LARGE1: variants seen among roughly 807,000 people sequenced by gnomAD.
LARGE1 encodes LARGE xylosyl- and glucuronyltransferase 1.
A neutral mutation model predicts 87.6 loss-of-function variants in LARGE1; 43 were observed. The ratio of observed to expected loss-of-function variants is 0.49; its 90% CI spans 0.38 to 0.63. The LOEUF (loss-of-function observed/expected upper bound fraction) is 0.63, where lower values mean the gene tolerates loss of function less well. Among genes scored for constraint, LARGE1 ranks in the 30% least tolerant of loss-of-function variants. The pLI is 0.00. For synonymous variants in LARGE1, 434 were observed against 394.6 expected (o/e 1.10, Z -1.18); for missense variants, 802 against 1,000.2 (o/e 0.80, Z 2.67).
At chr22:33,421,215 AATC>A (rs780754562) in intron 7 of LARGE1, among the ~76,000 whole-genome samples, 21 of 70,936 alleles carry the variant, frequency 3.0e-4, no homozygotes, top group African/African-American at 1.0e-3. Context: ...AAATAAAATC[AATC>A]AATCAATCAA....
intron 13 of LARGE1, among the ~76,000 whole-genome samples, chr22:33,277,589 G>A (rs5998837): frequency 0.027 from 4,071 of 152,256 alleles, 189 homozygotes; most frequent in African/African-American, 0.093. Flanking sequence ...GGAGAGATTG[G>A]ATGACGGGTG....
At position 33,564,975 on chromosome 22, in the gene LARGE1, A is replaced by G; in HGVS notation, c.660T>C (p.Tyr220=). ...TGGTCAGGACAAGCTTCATCAGACC[A>G]TAAATCCCAGAGTAATGTTTATTGG... ...WIPNKHYSGI[Y]GLMKLVLTKT... Residue 220 remains tyrosine, a synonymous_variant, in exon 6 of 15, where the codon TAT becomes TAC. Transcript: ENST00000397394. The G allele has an allele frequency of 6.2e-7, 1 of 1,614,186 alleles. No homozygotes were observed. Among genetic ancestry groups the G allele is most frequent in the African/African-American group, 1.3e-5 (1 of 75,066 alleles).
intron 5 of LARGE1, among the ~76,000 whole-genome samples, chr22:33,588,501 A>G (rs1476349142): frequency 7.6e-6 from 1 of 130,986 alleles, no homozygotes; most frequent in Non-Finnish European, 1.6e-5. Context: ...CAAGGAACAT[A>G]TATGTGTGCG....
At chr22:33,169,137 G>GT (rs1227497824) in intron 11 of LARGE1, among the ~76,000 whole-genome samples, 2 of 152,136 alleles carry the variant, frequency 1.3e-5, no homozygotes, top group Non-Finnish European at 2.9e-5. Flanking sequence ...GTGTCAAACA[G>GT]TTATCATTTG....
At chr22:33,802,748 ATATT>A (rs2086198105) in intron 1 of LARGE1, among the ~76,000 whole-genome samples, 1 of 152,200 alleles carries the variant, frequency 6.6e-6, no homozygotes, top group South Asian at 2.1e-4. Flanking sequence ...CTAGGAATAA[ATATT>A]TATTCCCAGG....
At chr22:33,680,055 G>A (rs1201803450) in intron 2 of LARGE1, among the ~76,000 whole-genome samples, 1 of 152,072 alleles carries the variant, frequency 6.6e-6, no homozygotes, top group East Asian at 1.9e-4. Context: ...CAAATGGAGG[G>A]GATCACATTC....
At chr22:33,676,781 G>C (rs905375428) in intron 2 of LARGE1, among the ~76,000 whole-genome samples, 1 of 152,050 alleles carries the variant, frequency 6.6e-6, no homozygotes, top group African/African-American at 2.4e-5. Flanking sequence ...CTTGAAAGTG[G>C]CCACCAGAGA....
At chr22:33,671,984 G>C (rs1345075468) in intron 2 of LARGE1, among the ~76,000 whole-genome samples, 1 of 152,120 alleles carries the variant, frequency 6.6e-6, no homozygotes, top group African/African-American at 2.4e-5. Context: ...ATGTTTAGGA[G>C]ACATTTCTTA....
intron 6 of LARGE1, among the ~76,000 whole-genome samples, chr22:33,465,037 A>C (rs1179345214): frequency 6.6e-6 from 1 of 152,246 alleles, no homozygotes; most frequent in African/African-American, 2.4e-5. Flanking sequence ...CAGAAGTATT[A>C]GGAATAGCCA....
chr22:33,800,749 G>A (rs62225451), intron 1 of LARGE1, among the ~76,000 whole-genome samples: 10,908 of 152,210 alleles, frequency 0.072, 512 homozygotes, highest in Admixed American at 0.11. Flanking sequence ...TCGCTGAGTA[G>A]TGTTCAACTG....
At chr22:33,805,559 C>A (rs2146114437) in intron 1 of LARGE1, among the ~76,000 whole-genome samples, 1 of 151,984 alleles carries the variant, frequency 6.6e-6, no homozygotes, top group South Asian at 2.1e-4. Context: ...CATGGTGAAA[C>A]CCTATCTCTG....
At chr22:33,858,989 A>T (rs757255890) in intron 1 of LARGE1, among the ~76,000 whole-genome samples, 6 of 151,788 alleles carry the variant, frequency 4.0e-5, no homozygotes, top group Non-Finnish European at 7.4e-5. Context: ...GGAGTTGAAC[A>T]ATGAGAACAC....
At chr22:33,765,068 C>G (rs979299591) in intron 1 of LARGE1, among the ~76,000 whole-genome samples, 2 of 152,296 alleles carry the variant, frequency 1.3e-5, no homozygotes, top group Non-Finnish European at 2.9e-5. Flanking sequence ...ATGTCAAGCA[C>G]TTTTCTATAT....
At chr22:33,427,483 G>A (rs111472274) in intron 7 of LARGE1, among the ~76,000 whole-genome samples, 76 of 152,262 alleles carry the variant, frequency 5.0e-4, no homozygotes, top group African/African-American at 1.8e-3. Flanking sequence ...CAAAGAGAAC[G>A]GGGGAAACTG....
intron 1 of LARGE1, among the ~76,000 whole-genome samples, chr22:33,909,405 G>A (rs1419263223): frequency 6.6e-6 from 1 of 151,992 alleles, no homozygotes; most frequent in Non-Finnish European, 1.5e-5. Context: ...ATTTGTCCCA[G>A]GCACGATGCA....
chr22:33,134,260 T>C, the LARGE1 span, among the ~76,000 whole-genome samples: 5 of 69,232 alleles, frequency 7.2e-5, no homozygotes, highest in African/African-American at 9.6e-5. Context: ...ACTCCCTTTT[T>C]TTTTTTTTTT....
the LARGE1 span, among the ~76,000 whole-genome samples, chr22:33,079,694 T>C: frequency 6.6e-6 from 1 of 152,180 alleles, no homozygotes. Context: ...TTAAGGAAAC[T>C]CTAGTTTCCT....
At chr22:33,734,165 C>T (rs1249432455) in intron 2 of LARGE1, among the ~76,000 whole-genome samples, 2 of 152,220 alleles carry the variant, frequency 1.3e-5, no homozygotes, top group Admixed American at 6.5e-5. Flanking sequence ...CACAAGGACA[C>T]AGTCAAATTG....
At chr22:33,469,190 C>G (rs1468132896) in intron 6 of LARGE1, among the ~76,000 whole-genome samples, 1 of 152,048 alleles carries the variant, frequency 6.6e-6, no homozygotes, top group Non-Finnish European at 1.5e-5. Context: ...GGTATATACC[C>G]AAAGGAGTAG....
Sources: gnomAD v4.1 joint callset for allele counts (sites outside exome capture counted in the v4.1 genomes callset) on GRCh38, gnomAD v4.1.1 for gene constraint, MANE v1.5 for transcripts, NCBI Gene and HGNC (gene_info 2026-07-23, HGNC 2026-07-21) for gene names.